The following CDH13 variants were observed in gnomAD, a reference collection of about 807,000 sequenced individuals.
The protein encoded by CDH13 is cadherin 13.
In CDH13, 24 loss-of-function variants were observed where a neutral mutation model predicts 63.8. The ratio of observed to expected loss-of-function variants is 0.38; its 90% CI spans 0.27 to 0.53. CDH13 has a LOEUF of 0.53. Among genes scored for constraint, CDH13 ranks in the 20% least tolerant of loss-of-function variants. The pLI, the probability that CDH13 is intolerant of heterozygous loss-of-function variation, is 0.85. For missense variants in CDH13, 1,049 were observed against 903.1 expected, an observed-to-expected ratio of 1.16 and a Z score of -2.07; for synonymous variants, 503 against 355.3, an observed-to-expected ratio of 1.42 and a Z score of -4.67.
At chr16:83,472,543 C>T (rs1280236260) in intron 6 of CDH13, among the ~76,000 whole-genome samples, 3 of 152,140 alleles carry the variant, frequency 2.0e-5, no homozygotes, top group Non-Finnish European at 4.4e-5. Flanking sequence ...ACTCACAACC[C>T]CAGATCCGAG....
chr16:83,749,443 A>G (rs77730869), intron 11 of CDH13, among the ~76,000 whole-genome samples: 6,929 of 152,276 alleles, frequency 0.046, 254 homozygotes, highest in East Asian at 0.11. Context: ...AGGAATCAAA[A>G]CTAGAAGGGG....
chr16:82,839,304 C>G (rs2038909328), intron 1 of CDH13, among the ~76,000 whole-genome samples: 1 of 152,122 alleles, frequency 6.6e-6, no homozygotes, highest in Non-Finnish European at 1.5e-5. Context: ...GGAAAGGTGC[C>G]CCATTATTAC....
At chr16:83,575,859 G>T (rs1905053330) in intron 7 of CDH13, among the ~76,000 whole-genome samples, 2 of 152,104 alleles carry the variant, frequency 1.3e-5, no homozygotes, top group African/African-American at 4.8e-5. Flanking sequence ...CAAGGTCCAG[G>T]ACTATTTCAC....
intron 11 of CDH13, among the ~76,000 whole-genome samples, chr16:83,759,344 T>C (rs940863180): frequency 4.6e-5 from 7 of 152,154 alleles, no homozygotes; most frequent in Non-Finnish European, 8.8e-5. Context: ...AATAAACATA[T>C]TTTTTAAAAT....
At chr16:83,005,258 G>A (rs1015897588) in intron 2 of CDH13, among the ~76,000 whole-genome samples, 4 of 152,136 alleles carry the variant, frequency 2.6e-5, no homozygotes, top group Non-Finnish European at 4.4e-5. Flanking sequence ...TTATTTCATT[G>A]TCTCCACTCA....
At chr16:83,037,976 G>A (rs1244029449) in intron 3 of CDH13, among the ~76,000 whole-genome samples, 1 of 152,170 alleles carries the variant, frequency 6.6e-6, no homozygotes, top group Non-Finnish European at 1.5e-5. Context: ...TGAGGGCTAA[G>A]TGTATTCACT....
intron 4 of CDH13, among the ~76,000 whole-genome samples, chr16:83,194,900 T>C (rs564858587): frequency 6.6e-6 from 1 of 152,288 alleles, no homozygotes; most frequent in East Asian, 1.9e-4. Flanking sequence ...TTTTTGTTCA[T>C]TGATGTGCAT....
intron 1 of CDH13, among the ~76,000 whole-genome samples, chr16:82,802,049 A>G (rs1383701097): frequency 6.6e-6 from 1 of 152,176 alleles, no homozygotes; most frequent in Non-Finnish European, 1.5e-5. Context: ...GGAAGACTAC[A>G]TATAGGCTGG....
chr16:82,744,217 G>T (rs1039529835), intron 1 of CDH13, among the ~76,000 whole-genome samples: 2 of 152,224 alleles, frequency 1.3e-5, no homozygotes, highest in Non-Finnish European at 2.9e-5. Flanking sequence ...CAAATACCTG[G>T]TTGGAATAAC....
At chr16:83,418,689 A>G (rs1004202220) in intron 6 of CDH13, among the ~76,000 whole-genome samples, 3 of 146,960 alleles carry the variant, frequency 2.0e-5, no homozygotes, top group African/African-American at 7.4e-5. Context: ...TAGTTTTAGC[A>G]AAGAGAGAGA....
chr16:83,676,232 C>T (rs1246998357), intron 9 of CDH13, among the ~76,000 whole-genome samples: 1 of 152,214 alleles, frequency 6.6e-6, no homozygotes, highest in Non-Finnish European at 1.5e-5. Flanking sequence ...AGAAACCCCA[C>T]TATCCTCCTG....
chr16:83,675,746 T>G (rs1053494918), intron 9 of CDH13, among the ~76,000 whole-genome samples: 2 of 152,178 alleles, frequency 1.3e-5, no homozygotes, highest in African/African-American at 4.8e-5. Flanking sequence ...GGCCAGGACT[T>G]GACTGCCACC....
intron 5 of CDH13, among the ~76,000 whole-genome samples, chr16:83,231,986 A>T (rs1269974550): frequency 6.6e-6 from 1 of 152,050 alleles, no homozygotes; most frequent in Non-Finnish European, 1.5e-5. Context: ...CAAATACCAC[A>T]TGTTCTAACT....
chr16:83,252,129 C>CACACACACACACACACAT (rs377101317), intron 5 of CDH13, among the ~76,000 whole-genome samples: 231 of 89,152 alleles, frequency 2.6e-3, no homozygotes, highest in African/African-American at 5.8e-3. Context: ...CACACACACA[C>CACACACACACACACACAT]ATATATATGT....
At chr16:82,749,371 A>G (rs2034316828) in intron 1 of CDH13, among the ~76,000 whole-genome samples, 1 of 152,176 alleles carries the variant, frequency 6.6e-6, no homozygotes, top group South Asian at 2.1e-4. Flanking sequence ...CTCACTTACG[A>G]GTAATAGTTT....
intron 7 of CDH13, among the ~76,000 whole-genome samples, chr16:83,572,105 G>A (rs1449568936): frequency 6.6e-6 from 1 of 151,676 alleles, no homozygotes; most frequent in Non-Finnish European, 1.5e-5. Flanking sequence ...ATCAGTAGAT[G>A]TTATTTATTT....
chr16:83,496,178 C>G (rs536957354), intron 7 of CDH13, among the ~76,000 whole-genome samples: 7 of 152,136 alleles, frequency 4.6e-5, no homozygotes, highest in East Asian at 1.9e-4. Context: ...AAGTATGGAA[C>G]CAAAAAAGAG....
rs1407993085 is a variant in CDH13, at chr16:82,856,395, G to T, written c.46-1967G>T. Among the ~76,000 whole-genome samples, 11 of 137,134 alleles carry T rather than the reference G, an allele frequency of 8.0e-5. No individual in the cohort carries two copies. The South Asian group carries it at 2.1e-3, about 27-fold the overall frequency. The allele number at this position is 137,134 out of a possible 152,430, so 90.0% of individuals were successfully genotyped here. A position where few individuals can be genotyped will look rare whatever the true frequency, so the allele number is the denominator to read the frequency against. On this transcript the variant is annotated intron_variant, in intron 1 of 13. Transcript: ENST00000567109. ...ATCTCAAAAAAAAAAAAAAAGAAAA[G>T]AAAAGAAAAGAAAAGAAAAATACTA...
intron 2 of CDH13, among the ~76,000 whole-genome samples, chr16:82,997,247 C>T (rs1368769748): frequency 3.3e-5 from 5 of 151,864 alleles, no homozygotes; most frequent in African/African-American, 1.2e-4. Flanking sequence ...ATGCCTTACT[C>T]TAGGCTAGAT....
Sources: gnomAD v4.1 joint callset for allele counts (sites outside exome capture counted in the v4.1 genomes callset) on GRCh38, gnomAD v4.1.1 for gene constraint, MANE v1.5 for transcripts, NCBI Gene and HGNC (gene_info 2026-07-23, HGNC 2026-07-21) for gene names.